Variants in ERP44 observed in about 807,000 individuals in gnomAD.
ERP44 encodes the protein endoplasmic reticulum protein 44.
ERP44 carries 25 observed loss-of-function variants against 53.4 expected under a neutral mutation model. The observed-to-expected ratio is 0.47, with a 90% CI of 0.34 to 0.65. ERP44 has a LOEUF of 0.65. ERP44 is among the 30% of genes least tolerant of loss of function. The pLI, the probability that ERP44 is intolerant of heterozygous loss-of-function variation, is 0.01. For synonymous variants in ERP44, 145 were observed against 161.2 expected (o/e 0.90, Z 0.76); for missense variants, 338 against 493.2 (o/e 0.69, Z 2.98).
intron 10 of ERP44, among the ~76,000 whole-genome samples, chr9:99,996,207 G>A (rs186594633): frequency 6.6e-6 from 1 of 152,240 alleles, no homozygotes; most frequent in Admixed American, 6.5e-5. Context: ...GAATGGCTTG[G>A]TGCCACCCTC....
chr9:100,068,360 C>T (rs554897538), intron 1 of ERP44, among the ~76,000 whole-genome samples: 17,786 of 117,794 alleles, frequency 0.15, 2,047 homozygotes, highest in African/African-American at 0.38. Context: ...CCCGGCCAGC[C>T]GCCCCGTCCG....
At chr9:100,062,235 G>A (rs1479055940) in intron 1 of ERP44, among the ~76,000 whole-genome samples, 7 of 152,044 alleles carry the variant, frequency 4.6e-5, no homozygotes, top group Non-Finnish European at 1.5e-5. Flanking sequence ...ATTTCTGAAG[G>A]CTCCCATGTC....
At position 100,063,092 on chromosome 9, in the gene ERP44, A is replaced by AAAAAAAAAAAAAAAAG. The variant is rs773290883; in HGVS notation, c.58-2921_58-2920insCTTTTTTTTTTTTTTT. ...CTGTCTCACAAAAAAAAAAAAAAAAAAGAGAGAGAGAGAGGGAAATTGATT... is the reference window on the plus strand; with the variant it reads ...CTGTCTCACAAAAAAAAAAAAAAAAAAAAAAAAAAAAAAAAGAGAGAGAGAGAGAGGGAAATTGATT... On this transcript the variant is annotated intron_variant, in intron 1 of 11. Coordinates refer to ENST00000262455, the MANE Select transcript of ERP44 (RefSeq NM_015051.3). 1.1e-3 allele frequency among the ~76,000 whole-genome samples: 161 copies of AAAAAAAAAAAAAAAAG among 145,224 alleles called. 6 individuals carry two copies. The highest frequency in any genetic ancestry group is 3.9e-3 in the African/African-American group (148 of 38,084).
chr9:100,082,273 A>G (rs560526602), intron 1 of ERP44, among the ~76,000 whole-genome samples: 2 of 152,092 alleles, frequency 1.3e-5, no homozygotes, highest in African/African-American at 4.8e-5. Flanking sequence ...TTTTAAACCA[A>G]AAAAGCCCAT....
At chr9:100,012,952 T>A (rs142105925) in intron 8 of ERP44, among the ~76,000 whole-genome samples, 3 of 152,250 alleles carry the variant, frequency 2.0e-5, no homozygotes, top group Non-Finnish European at 4.4e-5. Flanking sequence ...TATCCCAGTC[T>A]AAGTGTTGGA....
chr9:100,006,477 A>C (rs763991286), intron 10 of ERP44, 29 bp downstream of exon 10: 1 of 1,527,374 alleles, frequency 6.5e-7, no homozygotes, highest in Non-Finnish European at 9.0e-7. Flanking sequence ...ACATATCAGT[A>C]ATTTTTAAAA....
At chr9:100,019,258 T>C (rs906824793) in intron 6 of ERP44, among the ~76,000 whole-genome samples, 2 of 152,058 alleles carry the variant, frequency 1.3e-5, no homozygotes, top group African/African-American at 4.8e-5. Flanking sequence ...ATTTAATGAA[T>C]ATGGGTTGGG....
chr9:100,074,771 G>A (rs1456804777), intron 1 of ERP44, among the ~76,000 whole-genome samples: 1 of 152,142 alleles, frequency 6.6e-6, no homozygotes, highest in African/African-American at 2.4e-5. Flanking sequence ...TTGATTCCAG[G>A]GGACCCAAAA....
intron 11 of ERP44, 112 bp downstream of exon 11, chr9:99,984,855 C>T: frequency 1.6e-6 from 1 of 612,578 alleles, no homozygotes; most frequent in Non-Finnish European, 2.9e-6. Context: ...TTTCTCTACA[C>T]AAATATTCAG....
At chr9:100,006,762 G>T in intron 9 of ERP44, 115 bp from the exon 10 acceptor site, 1 of 652,010 alleles carries the variant, frequency 1.5e-6, no homozygotes, top group Non-Finnish European at 2.5e-6. Flanking sequence ...ACATTCTTAA[G>T]AGTAATATAG....
chr9:99,993,725 A>C (rs938126252), intron 10 of ERP44, among the ~76,000 whole-genome samples: 37 of 152,224 alleles, frequency 2.4e-4, no homozygotes, highest in Non-Finnish European at 5.0e-4. Flanking sequence ...GTGAACAGGC[A>C]ACCTTAAGAA....
intron 10 of ERP44, among the ~76,000 whole-genome samples, chr9:100,000,345 G>A (rs1484776727): frequency 6.6e-6 from 1 of 151,620 alleles, no homozygotes; most frequent in Non-Finnish European, 1.5e-5. Flanking sequence ...GGCTTGAGGT[G>A]GGATTACTTG....
At chr9:100,084,826 GAAGT>G (rs1208565412) in intron 1 of ERP44, among the ~76,000 whole-genome samples, 4 of 152,214 alleles carry the variant, frequency 2.6e-5, no homozygotes, top group East Asian at 3.9e-4. Flanking sequence ...TTTTGCATTA[GAAGT>G]AAGAGCTAAA....
chr9:99,983,368 A>AC (rs956118987), intron 11 of ERP44, among the ~76,000 whole-genome samples: 18 of 151,720 alleles, frequency 1.2e-4, no homozygotes, highest in African/African-American at 3.9e-4. Flanking sequence ...ACAAGGTGAA[A>AC]CCCCGTCTCT....
chr9:100,064,936 G>T (rs1826193112), intron 1 of ERP44, among the ~76,000 whole-genome samples: 1 of 152,142 alleles, frequency 6.6e-6, no homozygotes, highest in Non-Finnish European at 1.5e-5. Context: ...TATAACAAAA[G>T]AGTCAAACGT....
intron 4 of ERP44, among the ~76,000 whole-genome samples, chr9:100,022,909 G>T (rs1464979284): frequency 6.6e-6 from 1 of 152,120 alleles, no homozygotes. Context: ...TAGCACTTTG[G>T]CAAATTCCAT....
intron 4 of ERP44, among the ~76,000 whole-genome samples, chr9:100,043,052 A>G (rs150842556): frequency 6.6e-6 from 1 of 151,296 alleles, no homozygotes; most frequent in African/African-American, 2.4e-5. Flanking sequence ...GAGGTCAGGA[A>G]ATCGAGACCA....
intron 1 of ERP44, among the ~76,000 whole-genome samples, chr9:100,096,399 A>C (rs1306678089): frequency 6.6e-6 from 1 of 151,634 alleles, no homozygotes; most frequent in African/African-American, 2.4e-5. Context: ...ACGCAAATAA[A>C]TATATATATA....
chr9:100,064,234 A>G (rs1371783457), intron 1 of ERP44, among the ~76,000 whole-genome samples: 1 of 152,144 alleles, frequency 6.6e-6, no homozygotes, highest in Admixed American at 6.5e-5. Flanking sequence ...ACCTTATTCA[A>G]TTTTGTATCC....
Sources: gnomAD v4.1 joint callset for allele counts (sites outside exome capture counted in the v4.1 genomes callset) on GRCh38, gnomAD v4.1.1 for gene constraint, MANE v1.5 for transcripts, NCBI Gene and HGNC (gene_info 2026-07-23, HGNC 2026-07-21) for gene names.